Variants in RABL3 observed in about 807,000 individuals in gnomAD.
The protein encoded by RABL3 is rab-like protein 3.
In RABL3, 31 loss-of-function variants were observed where a neutral mutation model predicts 31.8. The ratio of observed to expected loss-of-function variants is 0.97; its 90% CI spans 0.73 to 1.31. RABL3 has a LOEUF of 1.31. Ranked by LOEUF, RABL3 falls within the 40% of genes most tolerant of loss-of-function variation. RABL3 has a pLI of 0.00. For synonymous variants in RABL3, 97 were observed against 99.9 expected (o/e 0.97, Z 0.18); for missense variants, 263 against 279.6 (o/e 0.94, Z 0.42).
chr3:120,713,261 T>C (rs1326830268), intron 2 of RABL3, among the ~76,000 whole-genome samples: 6 of 152,232 alleles, frequency 3.9e-5, no homozygotes, highest in Non-Finnish European at 7.3e-5. Flanking sequence ...CCTAGTCAAA[T>C]CCTTTCCTGT....
At chr3:120,737,721 T>C (rs1384022542) in intron 1 of RABL3, among the ~76,000 whole-genome samples, 1 of 152,214 alleles carries the variant, frequency 6.6e-6, no homozygotes, top group Admixed American at 6.5e-5. Context: ...TCCTTTCTGT[T>C]TGTCAGTTTT....
intron 2 of RABL3, among the ~76,000 whole-genome samples, chr3:120,720,393 A>T (rs1221304546): frequency 6.6e-6 from 1 of 152,182 alleles, no homozygotes; most frequent in Non-Finnish European, 1.5e-5. Context: ...CTCAGAGCTA[A>T]AGGAGGAAGT....
In RABL3 at chr3:120,689,884, G is replaced by C. The variant is rs754970586; in HGVS notation, c.650C>G (p.Pro217Arg). Reference protein sequence around the residue: ...RYFLREGNQIPGFPDRKRFGA... With the variant: ...RYFLREGNQIRGFPDRKRFGA... ...AAATCTTTTCCGATCAGGAAAGCCT[G>C]GAATCTGTAGGCAAGAAAGATAATT... Residue 217 changes from proline to arginine, a missense_variant, in exon 8 of 8, where the codon CCA becomes CGA. Coordinates refer to ENST00000273375, the MANE Select transcript of RABL3 (RefSeq NM_173825.5). 2 of 1,611,098 alleles carry C rather than the reference G, an allele frequency of 1.2e-6. No individual in the cohort carries two copies. The highest frequency in any genetic ancestry group is 1.7e-6 in the Non-Finnish European group (2 of 1,177,660).
chr3:120,735,583 C>G (rs539825348), intron 1 of RABL3, among the ~76,000 whole-genome samples: 1 of 152,168 alleles, frequency 6.6e-6, no homozygotes, highest in Admixed American at 6.5e-5. Context: ...TTGCCTTCTG[C>G]TAGCTTTTGA....
chr3:120,730,145 G>A (rs1037142586), intron 2 of RABL3, among the ~76,000 whole-genome samples: 14 of 152,154 alleles, frequency 9.2e-5, no homozygotes, highest in Admixed American at 3.3e-4. Flanking sequence ...CTTGCCTTCC[G>A]TATGTGTGTC....
At chr3:120,715,157 G>A (rs555883509) in intron 2 of RABL3, among the ~76,000 whole-genome samples, 3 of 152,070 alleles carry the variant, frequency 2.0e-5, no homozygotes, top group Non-Finnish European at 2.9e-5. Flanking sequence ...TTAGTGCCTA[G>A]GATAATTTTA....
intron 5 of RABL3, among the ~76,000 whole-genome samples, chr3:120,696,954 G>T (rs1367638562): frequency 1.3e-5 from 2 of 152,182 alleles, no homozygotes; most frequent in Non-Finnish European, 2.9e-5. Context: ...GGGGGTAGAG[G>T]TGGGGCTGAA....
At chr3:120,700,198 G>C (rs1352782871) in intron 4 of RABL3, among the ~76,000 whole-genome samples, 2 of 152,004 alleles carry the variant, frequency 1.3e-5, no homozygotes, top group African/African-American at 4.8e-5. Flanking sequence ...ATCATGGATG[G>C]ATAAGGCTGA....
chr3:120,724,730 G>T (rs1441651793), intron 2 of RABL3, among the ~76,000 whole-genome samples: 3 of 152,298 alleles, frequency 2.0e-5, no homozygotes, highest in East Asian at 3.9e-4. Flanking sequence ...ATGGTGCTGG[G>T]AAAACTGGCT....
chr3:120,694,314 G>A, intron 5 of RABL3, 90 bp from the exon 6 acceptor site: 1 of 757,838 alleles, frequency 1.3e-6, no homozygotes, highest in South Asian at 1.7e-5. Flanking sequence ...TATTTCTGTA[G>A]GCATAATACT....
In RABL3 at chr3:120,739,237, C is replaced by T. The variant is rs563245673; in HGVS notation, c.46+3225G>A. Among the ~76,000 whole-genome samples the T allele has an allele frequency of 4.6e-5, 7 of 152,136 alleles. 1 individual carries two copies. Among genetic ancestry groups the T allele is most frequent in the African/African-American group, 1.4e-4 (6 of 41,494 alleles). On this transcript the variant is annotated intron_variant, in intron 1 of 7. Coordinates refer to ENST00000273375, the MANE Select transcript of RABL3 (RefSeq NM_173825.5). Reference sequence around the variant, plus strand: ...ACTAAAAATACAAAAATTAGCTGGGCGTGGTGGTGGGTGCCTGTAATCCCA... The same window carrying T: ...ACTAAAAATACAAAAATTAGCTGGGTGTGGTGGTGGGTGCCTGTAATCCCA...
chr3:120,742,294 C>T (rs1427292006), intron 1 of RABL3, among the ~76,000 whole-genome samples, 168 bp downstream of exon 1: 4 of 152,142 alleles, frequency 2.6e-5, no homozygotes, highest in African/African-American at 7.2e-5. Flanking sequence ...CCGCCGCCAC[C>T]GCGTCGTCAC....
In RABL3 at chr3:120,725,336, T is replaced by C. The variant is rs574043085; in HGVS notation, c.138+5360A>G. Among the ~76,000 whole-genome samples, 22 of 152,304 alleles carry C rather than the reference T, an allele frequency of 1.4e-4. No homozygotes were observed. The South Asian group carries it at 3.3e-3, about 23-fold the overall frequency. ...GGATGTGGAGAAATAGGAACACTTC[T>C]ACACTGTTGGTGGAACTGTAAACTA... On this transcript the variant is annotated intron_variant, in intron 2 of 7. Coordinates refer to ENST00000273375, the MANE Select transcript of RABL3 (RefSeq NM_173825.5).
At chr3:120,707,640 T>C (rs1708563954) in intron 3 of RABL3, among the ~76,000 whole-genome samples, 1 of 152,060 alleles carries the variant, frequency 6.6e-6, no homozygotes, top group South Asian at 2.1e-4. Flanking sequence ...GGCAAAAAAC[T>C]GGCATATATT....
At chr3:120,725,292 AAAC>A (rs1260144097) in intron 2 of RABL3, among the ~76,000 whole-genome samples, 1 of 152,222 alleles carries the variant, frequency 6.6e-6, no homozygotes, top group Non-Finnish European at 1.5e-5. Flanking sequence ...AAAAGTCAGG[AAAC>A]AACAGGTGCT....
intron 3 of RABL3, among the ~76,000 whole-genome samples, chr3:120,707,082 A>G (rs1219013268): frequency 1.3e-5 from 2 of 152,214 alleles, no homozygotes; most frequent in African/African-American, 4.8e-5. Context: ...TGAATAGGAC[A>G]TGAAACCAAT....
chr3:120,712,567 G>C lies in RABL3; in HGVS notation c.139-2658C>G, dbSNP rs74757916. 2.4e-4 allele frequency among the ~76,000 whole-genome samples: 37 copies of C among 152,144 alleles called. No individual in the cohort carries two copies. The East Asian group carries it at 7.0e-3, about 29-fold the overall frequency. The stretch of plus-strand genomic sequence containing the variant: ...CTTCCTTCTGGGCCCAAATCAACCA[G>C]AGCAGGTTTGGTACTCCTCCTATTT... On this transcript the variant is annotated intron_variant, in intron 2 of 7. Transcript: ENST00000273375.
intron 3 of RABL3, among the ~76,000 whole-genome samples, chr3:120,708,018 A>C (rs1708570933): frequency 6.6e-6 from 1 of 152,030 alleles, no homozygotes; most frequent in Non-Finnish European, 1.5e-5. Flanking sequence ...TAGAGAGGGA[A>C]GAATGTAGGG....
At chr3:120,695,925 T>A (rs984025527) in intron 5 of RABL3, among the ~76,000 whole-genome samples, 1 of 152,122 alleles carries the variant, frequency 6.6e-6, no homozygotes, top group Non-Finnish European at 1.5e-5. Flanking sequence ...AGAAACACTA[T>A]GATTTTTGGG....
Sources: gnomAD v4.1 joint callset for allele counts (sites outside exome capture counted in the v4.1 genomes callset) on GRCh38, gnomAD v4.1.1 for gene constraint, MANE v1.5 for transcripts, NCBI Gene and HGNC (gene_info 2026-07-23, HGNC 2026-07-21) for gene names.